The following RIT2 variants were observed in gnomAD, a reference collection of about 807,000 sequenced individuals.
RIT2 encodes the protein Ras like without CAAX 2.
In RIT2, 24 loss-of-function variants were observed where a neutral mutation model predicts 23.7. The observed-to-expected ratio is 1.01, with a 90% CI of 0.73 to 1.43. The LOEUF (loss-of-function observed/expected upper bound fraction) is 1.43, where lower values mean the gene tolerates loss of function less well. Among genes scored for constraint, RIT2 ranks in the 40% most tolerant of loss-of-function variants. RIT2 has a pLI of 0.00. For synonymous variants in RIT2, 107 were observed against 91.1 expected, an observed-to-expected ratio of 1.17 and a Z score of -0.99; for missense variants, 236 against 266.9, an observed-to-expected ratio of 0.88 and a Z score of 0.81.
chr18:42,856,017 T>C (rs569235119), intron 4 of RIT2, among the ~76,000 whole-genome samples: 54 of 152,264 alleles, frequency 3.5e-4, no homozygotes, highest in African/African-American at 1.3e-3. Flanking sequence ...TAAAAGTTTT[T>C]ATTTGACTTT....
At chr18:42,946,525 A>G (rs1320906002) in intron 3 of RIT2, among the ~76,000 whole-genome samples, 1 of 152,004 alleles carries the variant, frequency 6.6e-6, no homozygotes, top group Non-Finnish European at 1.5e-5. Context: ...TATATACTGT[A>G]CCTAAAATTC....
intron 4 of RIT2, among the ~76,000 whole-genome samples, chr18:42,746,538 A>G (rs1912920827): frequency 6.6e-6 from 1 of 152,114 alleles, no homozygotes; most frequent in African/African-American, 2.4e-5. Context: ...TAATAAAGGA[A>G]GACATTATAC....
chr18:42,901,635 A>T (rs1411582156), intron 4 of RIT2, among the ~76,000 whole-genome samples: 1 of 152,218 alleles, frequency 6.6e-6, no homozygotes, highest in African/African-American at 2.4e-5. Context: ...CATTTAAAAA[A>T]TCTGTATAAC....
intron 1 of RIT2, among the ~76,000 whole-genome samples, chr18:43,044,081 C>A (rs922628230): frequency 1.3e-5 from 2 of 152,018 alleles, no homozygotes. Context: ...TGGAATGGCC[C>A]CAAACAGGAG....
intron 3 of RIT2, among the ~76,000 whole-genome samples, chr18:42,961,809 A>G (rs761399729): frequency 1.3e-5 from 2 of 152,250 alleles, no homozygotes; most frequent in Non-Finnish European, 2.9e-5. Flanking sequence ...AGATGGAGTC[A>G]TCTGGCATTC....
intron 4 of RIT2, among the ~76,000 whole-genome samples, chr18:42,856,827 C>CTTTTTTTT (rs756725926): frequency 2.0e-4 from 23 of 114,650 alleles, no homozygotes; most frequent in African/African-American, 8.4e-4. Flanking sequence ...CTCTCTCTCT[C>CTTTTTTTT]TTTTTTTTTT....
At chr18:42,963,960 A>G (rs183143916) in intron 3 of RIT2, among the ~76,000 whole-genome samples, 244 of 151,996 alleles carry the variant, frequency 1.6e-3, no homozygotes, top group African/African-American at 5.4e-3. Context: ...GGGAAGCCAA[A>G]GTGGGTGGAT....
chr18:42,856,630 T>C (rs1907188338), intron 4 of RIT2, among the ~76,000 whole-genome samples: 1 of 152,140 alleles, frequency 6.6e-6, no homozygotes, highest in Non-Finnish European at 1.5e-5. Context: ...GTCACAGTAC[T>C]GTTCTAACTG....
chr18:43,109,471 C>G (rs888887536), intron 1 of RIT2, among the ~76,000 whole-genome samples: 16 of 152,094 alleles, frequency 1.1e-4, no homozygotes, highest in Admixed American at 1.3e-4. Flanking sequence ...TCCCTTTGTG[C>G]CCCTGTATAC....
At chr18:42,886,629 G>C (rs1370452968) in intron 4 of RIT2, among the ~76,000 whole-genome samples, 1 of 152,334 alleles carries the variant, frequency 6.6e-6, no homozygotes, top group East Asian at 1.9e-4. Context: ...TTTGACATCT[G>C]TATGGTATGT....
chr18:42,839,243 T>C (rs530893882), intron 4 of RIT2, among the ~76,000 whole-genome samples: 28 of 151,982 alleles, frequency 1.8e-4, no homozygotes, highest in Middle Eastern at 3.4e-3. Flanking sequence ...TGCATAACTA[T>C]AGACACCCAC....
intron 4 of RIT2, among the ~76,000 whole-genome samples, chr18:42,899,074 C>A (rs937697223): frequency 2.0e-5 from 3 of 151,782 alleles, no homozygotes; most frequent in Non-Finnish European, 4.4e-5. Flanking sequence ...ATGTAAACAT[C>A]CAGTTCCTCA....
At chr18:43,028,406 C>G (rs187416532) in intron 2 of RIT2, among the ~76,000 whole-genome samples, 17 of 151,920 alleles carry the variant, frequency 1.1e-4, no homozygotes, top group African/African-American at 4.1e-4. Context: ...AAAGAACTAA[C>G]GGGAGTCCAG....
intron 2 of RIT2, among the ~76,000 whole-genome samples, chr18:42,990,503 G>A (rs745779346): frequency 4.6e-5 from 7 of 152,126 alleles, no homozygotes; most frequent in Non-Finnish European, 5.9e-5. Flanking sequence ...GTCAGAAACC[G>A]TTACACTCCC....
chr18:42,951,265 A>T (rs908178471), intron 3 of RIT2, among the ~76,000 whole-genome samples: 2 of 152,122 alleles, frequency 1.3e-5, no homozygotes, highest in Non-Finnish European at 2.9e-5. Flanking sequence ...AAATGAAATC[A>T]TGTCCTTTGC....
chr18:42,777,800 G>A (rs1392317957), intron 4 of RIT2, among the ~76,000 whole-genome samples: 1 of 152,128 alleles, frequency 6.6e-6, no homozygotes, highest in Non-Finnish European at 1.5e-5. Context: ...AAAAGCATAT[G>A]TTTAACTTAA....
intron 1 of RIT2, among the ~76,000 whole-genome samples, chr18:43,052,242 A>C (rs1302469684): frequency 6.6e-6 from 1 of 152,140 alleles, no homozygotes; most frequent in Non-Finnish European, 1.5e-5. Context: ...AATGCAATTG[A>C]TATGTGTGTA....
At chr18:42,920,201 C>T (rs1021064143) in intron 4 of RIT2, among the ~76,000 whole-genome samples, 22 of 152,156 alleles carry the variant, frequency 1.4e-4, no homozygotes, top group South Asian at 4.1e-4. Context: ...AAGAAGCATG[C>T]TAGTATCTTG....
intron 1 of RIT2, among the ~76,000 whole-genome samples, chr18:43,077,504 C>T (rs1276381525): frequency 6.6e-6 from 1 of 152,044 alleles, no homozygotes; most frequent in African/African-American, 2.4e-5. Context: ...AAGCCTGGCC[C>T]TTTGTAACTT....
Sources: allele counts gnomAD v4.1 joint callset (sites outside exome capture counted in the v4.1 genomes callset), GRCh38; gene constraint gnomAD v4.1.1; transcripts MANE v1.5; gene names NCBI Gene and HGNC (gene_info 2026-07-23, HGNC 2026-07-21).